The following LHFPL1 variants were observed in gnomAD, a reference collection of about 807,000 sequenced individuals.
The protein encoded by LHFPL1 is LHFPL tetraspan subfamily member 1, also known as LHFPL tetraspan subfamily member 1 protein.
A neutral mutation model predicts 12.1 loss-of-function variants in LHFPL1; 4 were observed. The ratio of observed to expected loss-of-function variants is 0.33; its 90% CI spans 0.16 to 0.76. The LOEUF (loss-of-function observed/expected upper bound fraction) is 0.76. LHFPL1 is among the 30% of genes least tolerant of loss of function. The probability of loss-of-function intolerance (pLI) is 0.61; values close to 1 mark genes in which losing one functional copy is unlikely to be tolerated. For missense variants in LHFPL1, 141 were observed against 174.1 expected (o/e 0.81, Z 1.07); for synonymous variants, 52 against 61.9 (o/e 0.84, Z 0.75).
chrX:112,639,570 A>AT (rs752804624), intron 3 of LHFPL1, among the ~76,000 whole-genome samples: 1 of 111,871 alleles, frequency 8.9e-6, no homozygotes, highest in African/African-American at 3.3e-5. Flanking sequence ...GATTTGGCTG[A>AT]TTTTTCTTTT....
chrX:112,650,009 T>A (rs1930808754), intron 3 of LHFPL1, among the ~76,000 whole-genome samples: 1 of 110,068 alleles, frequency 9.1e-6, no homozygotes, highest in African/African-American at 3.3e-5. Context: ...CTTCTCTAAG[T>A]TTTTAGTGGG....
chrX:112,661,640 T>C (rs760787251), intron 2 of LHFPL1: 3 of 111,761 alleles, frequency 2.7e-5, no homozygotes, highest in Non-Finnish European at 5.6e-5. Flanking sequence ...GAATTTTTAA[T>C]TGAGAAGCAT....
intron 3 of LHFPL1, among the ~76,000 whole-genome samples, chrX:112,652,658 G>T (rs12687789): frequency 0.11 from 12,283 of 111,339 alleles, 517 homozygotes; most frequent in South Asian, 0.19. Flanking sequence ...GATCTATTTT[G>T]TTTGGACATT....
intron 3 of LHFPL1, among the ~76,000 whole-genome samples, chrX:112,644,353 GTTT>G (rs1930622309): frequency 9.0e-6 from 1 of 110,933 alleles, no homozygotes; most frequent in African/African-American, 3.3e-5. Context: ...GATTGCTTTA[GTTT>G]TTATTGTACA....
At chrX:112,636,363 C>CA (rs1441264419) in intron 3 of LHFPL1, among the ~76,000 whole-genome samples, 1 of 112,108 alleles carries the variant, frequency 8.9e-6, no homozygotes, top group Non-Finnish European at 1.9e-5. Context: ...TTCTCCACAA[C>CA]AAAAAATGAT....
rs1569358870 is a variant in LHFPL1 at position 112,631,533 on chromosome X, TG to T, written c.549del (p.Cys183Ter). ...GGGAAAAMLI[C>X]TWLSCFAGRN... Reference sequence around the variant, plus strand: ...CTTCCAGCAAAGCAAGAGAGCCAGGTGCAGATCAACATGGCTGCAGCTGCTC... The same window carrying T: ...CTTCCAGCAAAGCAAGAGAGCCAGGTCAGATCAACATGGCTGCAGCTGCTC... On this transcript the variant is annotated frameshift_variant, in exon 4 of 4. Coordinates refer to ENST00000371968, the MANE Select transcript of LHFPL1 (RefSeq NM_178175.4). LOFTEE classifies it high-confidence loss of function. 8.3e-7 allele frequency: 1 copy of T among 1,210,825 alleles called. No homozygotes were observed. Among genetic ancestry groups the T allele is most frequent in the Non-Finnish European group, 1.1e-6 (1 of 894,918 alleles).
rs767941884 is a variant in LHFPL1 at position 112,631,385 on chromosome X, C to T, written c.*35G>A. ...GTACCTCTTTTCAGGGCTCCCTCCTCCCCTTTCCCACCCTCTCCAATCTTC... is the reference window on the plus strand; with the variant it reads ...GTACCTCTTTTCAGGGCTCCCTCCTTCCCTTTCCCACCCTCTCCAATCTTC... On this transcript the variant is annotated 3_prime_UTR_variant, in exon 4 of 4. Coordinates refer to ENST00000371968, the MANE Select transcript of LHFPL1 (RefSeq NM_178175.4). The T allele has an allele frequency of 3.2e-5, 38 of 1,170,293 alleles. No homozygotes were observed. The East Asian group carries it at 6.6e-4, about 20-fold the overall frequency.
chrX:112,677,220 T>C (rs1348961573), intron 1 of LHFPL1, among the ~76,000 whole-genome samples: 2 of 111,828 alleles, frequency 1.8e-5, no homozygotes, highest in Non-Finnish European at 3.8e-5. Flanking sequence ...ACTTCTGAGT[T>C]AAGGAAAGCA....
At chrX:112,673,235 A>G (rs1403431051) in intron 1 of LHFPL1, among the ~76,000 whole-genome samples, 2 of 111,716 alleles carry the variant, frequency 1.8e-5, no homozygotes, top group Non-Finnish European at 3.8e-5. Context: ...GGGAGCAGAG[A>G]TCGTAAATTG....
At chrX:112,651,248 T>C (rs1036795515) in intron 3 of LHFPL1, among the ~76,000 whole-genome samples, 2 of 112,067 alleles carry the variant, frequency 1.8e-5, no homozygotes, top group Non-Finnish European at 3.8e-5. Flanking sequence ...CTCATCCTCA[T>C]GATAAGATGA....
chrX:112,635,861 AAGG>A (rs72208818), intron 3 of LHFPL1, among the ~76,000 whole-genome samples: 18,198 of 110,818 alleles, frequency 0.16, 2,200 homozygotes, highest in African/African-American at 0.41. Context: ...TGTTTCCAAA[AAGG>A]AGCTATAGTT....
chrX:112,633,657 C>T (rs183468187), intron 3 of LHFPL1, among the ~76,000 whole-genome samples: 5 of 111,420 alleles, frequency 4.5e-5, no homozygotes, highest in African/African-American at 1.6e-4. Context: ...TGTTACAGTC[C>T]TTCAGAGGAA....
intron 1 of LHFPL1, among the ~76,000 whole-genome samples, chrX:112,675,485 C>T (rs139265009): frequency 9.0e-6 from 1 of 111,682 alleles, no homozygotes; most frequent in Non-Finnish European, 1.9e-5. Context: ...TTAAAAGCGA[C>T]GTTTTGAAGC....
At position 112,631,117 on chromosome X, in the gene LHFPL1, C is replaced by T. The variant is rs1410687944; in HGVS notation, c.*303G>A. On this transcript the variant is annotated 3_prime_UTR_variant, in exon 4 of 4. Transcript: ENST00000371968. ...GCCCATCTCGTGCTCCCTCCCTGCA[C>T]AACTATTCTTACCCAGCCTTAGCTT... 9.9e-6 allele frequency: 2 copies of T among 202,444 alleles called. No individual in the cohort carries two copies. 16.7% of individuals were successfully genotyped at this position (202,444 alleles called of 1,213,427 possible). A position where few individuals can be genotyped will look rare whatever the true frequency, so the allele number is the denominator to read the frequency against.
chrX:112,655,562 T>C (rs1306749067), intron 3 of LHFPL1, among the ~76,000 whole-genome samples: 3 of 111,511 alleles, frequency 2.7e-5, no homozygotes, highest in African/African-American at 9.8e-5. Flanking sequence ...CTTACTCTGA[T>C]GGATTGATAA....
At chrX:112,636,719 G>A (rs1930350504) in intron 3 of LHFPL1, among the ~76,000 whole-genome samples, 1 of 111,994 alleles carries the variant, frequency 8.9e-6, no homozygotes, top group Admixed American at 9.5e-5. Flanking sequence ...ACTCCACCAG[G>A]TCTCAGCTCT....
rs10529066 is a variant in LHFPL1 at position 112,640,813 on chromosome X, C to CTGTG, written c.482-9216_482-9213dup. 8.6e-3 allele frequency among the ~76,000 whole-genome samples: 902 copies of CTGTG among 104,945 alleles called. 6 individuals carry two copies. Among genetic ancestry groups the CTGTG allele is most frequent in the African/African-American group, 0.018 (509 of 28,797 alleles). 91.1% of individuals were successfully genotyped at this position (104,945 alleles called of 115,157 possible). ...TATGGCTGCTTTTGTTAGATTCCAT[C>CTGTG]TGTGTGTGTGTGTGTGTGTGTGTGT... On this transcript the variant is annotated intron_variant, in intron 3 of 3. Coordinates refer to ENST00000371968, the MANE Select transcript of LHFPL1 (RefSeq NM_178175.4).
chrX:112,661,908 G>A (rs1931199355), intron 2 of LHFPL1: 1 of 112,235 alleles, frequency 8.9e-6, no homozygotes, highest in Non-Finnish European at 1.9e-5. Flanking sequence ...AGTTATGAGT[G>A]AGTATCAATT....
intron 3 of LHFPL1, among the ~76,000 whole-genome samples, chrX:112,640,119 T>A (rs997260917): frequency 3.6e-5 from 4 of 111,099 alleles, no homozygotes; most frequent in African/African-American, 1.3e-4. Flanking sequence ...TATATGCCAG[T>A]CACTATAGTA....
Sources: gnomAD v4.1 joint callset for allele counts (sites outside exome capture counted in the v4.1 genomes callset) on GRCh38, gnomAD v4.1.1 for gene constraint, MANE v1.5 for transcripts, NCBI Gene and HGNC (gene_info 2026-07-23, HGNC 2026-07-21) for gene names.